The following PIGN variants were observed in gnomAD, a reference collection of about 807,000 sequenced individuals.
PIGN encodes the protein phosphatidylinositol glycan anchor biosynthesis class N, also known as GPI ethanolamine phosphate transferase 1.
A neutral mutation model predicts 125.4 loss-of-function variants in PIGN; 117 were observed. The observed-to-expected ratio is 0.93, with a 90% CI of 0.80 to 1.09. The LOEUF is 1.09. PIGN is among the 50% of genes least tolerant of loss of function. The pLI is 0.00. For missense variants in PIGN, 1,075 were observed against 1,094.9 expected (o/e 0.98, Z 0.26); for synonymous variants, 392 against 377.8 (o/e 1.04, Z -0.44).
chr18:62,021,105 A>C (rs1484943415), intron 23 of PIGN, among the ~76,000 whole-genome samples: 1 of 152,246 alleles, frequency 6.6e-6, no homozygotes. Context: ...CTTTTTAAAA[A>C]TAAACATACA....
intron 29 of PIGN, among the ~76,000 whole-genome samples, chr18:62,073,550 AAATT>A (rs1270282284): frequency 6.6e-6 from 1 of 152,190 alleles, no homozygotes; most frequent in African/African-American, 2.4e-5. Context: ...TTTTTATACA[AAATT>A]AATCAGAATT....
rs1025779794 is a variant in PIGN, at chr18:62,149,616, T to C, written c.550-1278A>G. ...GTCAAACATTTCAGTCATAAAGCTATGTGGATCTAAGGCTTTTTGAAATAA... is the reference window on the plus strand; with the variant it reads ...GTCAAACATTTCAGTCATAAAGCTACGTGGATCTAAGGCTTTTTGAAATAA... On this transcript the variant is annotated intron_variant, in intron 7 of 30. Coordinates refer to ENST00000640252, the MANE Select transcript of PIGN (RefSeq NM_176787.5). Among the ~76,000 whole-genome samples the C allele has an allele frequency of 2.0e-5, 3 of 152,222 alleles. No homozygotes were observed. The East Asian group carries it at 5.8e-4, about 29-fold the overall frequency.
At chr18:62,033,636 A>G (rs1381776424) in intron 23 of PIGN, among the ~76,000 whole-genome samples, 1 of 151,968 alleles carries the variant, frequency 6.6e-6, no homozygotes, top group Non-Finnish European at 1.5e-5. Flanking sequence ...TCTTCCCTCA[A>G]GCCCCTTCTC....
At chr18:62,031,513 T>C (rs957571412) in intron 23 of PIGN, among the ~76,000 whole-genome samples, 2 of 152,104 alleles carry the variant, frequency 1.3e-5, no homozygotes, top group African/African-American at 2.4e-5. Context: ...GGAAATTTCT[T>C]TGAAGGGAAA....
At chr18:62,059,759 A>G (rs1435764677) in intron 30 of PIGN, among the ~76,000 whole-genome samples, 2 of 152,234 alleles carry the variant, frequency 1.3e-5, no homozygotes, top group Admixed American at 1.3e-4. Context: ...AAAATCATCA[A>G]AATGACTTAA....
chr18:62,083,614 TCTTTCTTTCTTG>T (rs2033551577), intron 27 of PIGN, among the ~76,000 whole-genome samples: 1 of 152,150 alleles, frequency 6.6e-6, no homozygotes, highest in Non-Finnish European at 1.5e-5. Flanking sequence ...TTGAGCTTTG[TCTTTCTTTCTTG>T]CTTGCTTGCT....
intron 1 of PIGN, among the ~76,000 whole-genome samples, chr18:62,170,842 C>T (rs184789613): frequency 9.2e-5 from 14 of 152,298 alleles, no homozygotes; most frequent in South Asian, 2.1e-4. Context: ...CCAGTGAATA[C>T]ATGAATGATA....
chr18:62,122,181 T>A (rs999138721), intron 14 of PIGN, among the ~76,000 whole-genome samples: 1 of 152,088 alleles, frequency 6.6e-6, no homozygotes, highest in African/African-American at 2.4e-5. Context: ...TCAAAATAGC[T>A]GGAACAGAAT....
chr18:62,154,586 C>T lies in PIGN; in HGVS notation c.508G>A (p.Asp170Asn), dbSNP rs747016252. ...DAKREDFGAQ[D>N]ATKLDTWVFD... ...ACCCACGTATCCAGTTTTGTTGCAT[C>T]TTGAGCACCAAAATCCTCTCTTTTA... The change falls in exon 7 of 31, where the codon GAT becomes AAT. Residue 170 changes from aspartate to asparagine, a missense_variant. Around this residue, in one of 3 missense-constraint regions of PIGN, gnomAD observed 915 missense variants for 908.7 expected, o/e 1.01. Coordinates refer to ENST00000640252, the MANE Select transcript of PIGN (RefSeq NM_176787.5). 9.4e-6 allele frequency: 15 copies of T among 1,595,084 alleles called. No homozygotes were observed. The highest frequency in any genetic ancestry group is 1.7e-4 in the Middle Eastern group (1 of 6,026).
intron 11 of PIGN, 66 bp from the exon 12 acceptor site, chr18:62,140,545 T>C (rs2036096768): frequency 2.6e-6 from 2 of 760,832 alleles, no homozygotes; most frequent in African/African-American, 3.5e-5. Context: ...AATAATGTAA[T>C]GCAACCATAT....
intron 7 of PIGN, among the ~76,000 whole-genome samples, chr18:62,149,706 T>A (rs1449045543): frequency 6.6e-6 from 1 of 152,144 alleles, no homozygotes; most frequent in East Asian, 1.9e-4. Flanking sequence ...AACACTAACA[T>A]AAGGGCGGGA....
chr18:62,074,756 T>C, intron 29 of PIGN, 23 bp downstream of exon 29: 1 of 1,490,390 alleles, frequency 6.7e-7, no homozygotes, highest in Non-Finnish European at 9.3e-7. Flanking sequence ...CTAATTTATA[T>C]GGACTACCCA....
intron 14 of PIGN, among the ~76,000 whole-genome samples, chr18:62,125,992 A>G (rs2146890896): frequency 6.6e-6 from 1 of 152,220 alleles, no homozygotes; most frequent in Admixed American, 6.5e-5. Context: ...GGTGATTACT[A>G]GAACCCATCA....
intron 23 of PIGN, among the ~76,000 whole-genome samples, chr18:62,027,960 T>C (rs1035090417): frequency 1.3e-5 from 2 of 151,982 alleles, no homozygotes; most frequent in African/African-American, 4.8e-5. Context: ...AAAAAGGCAA[T>C]AAGGTGATCA....
chr18:62,085,377 C>G (rs2033649804), intron 25 of PIGN, 113 bp from the exon 26 acceptor site: 1 of 721,558 alleles, frequency 1.4e-6, no homozygotes, highest in African/African-American at 1.8e-5. Flanking sequence ...TTTACTTGTA[C>G]CATGAATTGT....
chr18:62,065,870 TCTC>T (rs1715163013), intron 30 of PIGN, among the ~76,000 whole-genome samples: 2 of 152,168 alleles, frequency 1.3e-5, no homozygotes, highest in Non-Finnish European at 2.9e-5. Context: ...AAGGCTGAAA[TCTC>T]CTCTATTTCA....
At chr18:62,030,693 C>CA (rs1285492178) in intron 23 of PIGN, among the ~76,000 whole-genome samples, 10 of 152,356 alleles carry the variant, frequency 6.6e-5, no homozygotes, top group Admixed American at 6.5e-4. Context: ...CTCTGATACT[C>CA]AAACTTGTGG....
intron 1 of PIGN, among the ~76,000 whole-genome samples, chr18:62,183,110 C>T (rs1394844753): frequency 1.3e-5 from 2 of 152,100 alleles, no homozygotes; most frequent in African/African-American, 4.8e-5. Flanking sequence ...TTTCTCATCA[C>T]AAAAATGATA....
downstream of PIGN, among the ~76,000 whole-genome samples, chr18:62,040,458 G>C (rs1471786303): frequency 6.6e-6 from 1 of 152,184 alleles, no homozygotes; most frequent in Non-Finnish European, 1.5e-5. Context: ...ATATTTGTCT[G>C]TTTTTCTCAT....
Sources: gnomAD v4.1 joint callset for allele counts (sites outside exome capture counted in the v4.1 genomes callset) on GRCh38, gnomAD v4.1.1 for gene constraint, gnomAD v4.1.1 regional missense constraint, MANE v1.5 for transcripts, NCBI Gene and HGNC (gene_info 2026-07-23, HGNC 2026-07-21) for gene names.